The following NDST3 variants were observed in gnomAD, a reference collection of about 807,000 sequenced individuals.
NDST3 encodes the protein N-deacetylase and N-sulfotransferase 3, also known as bifunctional heparan sulfate N-deacetylase/N-sulfotransferase 3.
In NDST3, 58 loss-of-function variants were observed where a neutral mutation model predicts 96.1. The observed-to-expected ratio is 0.60, with a 90% CI of 0.49 to 0.75. NDST3 has a LOEUF of 0.75. Ranked by LOEUF, NDST3 falls within the 30% of genes least tolerant of loss-of-function variation. The pLI, the probability that NDST3 is intolerant of heterozygous loss-of-function variation, is 0.00. For synonymous variants in NDST3, 333 were observed against 359.7 expected, an observed-to-expected ratio of 0.93 and a Z score of 0.84; for missense variants, 788 against 1,034.2, an observed-to-expected ratio of 0.76 and a Z score of 3.27.
intron 6 of NDST3, among the ~76,000 whole-genome samples, chr4:118,223,250 A>C (rs1739664565): frequency 6.6e-6 from 1 of 151,960 alleles, no homozygotes; most frequent in African/African-American, 2.4e-5. Flanking sequence ...GTTCTGATAA[A>C]TTTTACAGGA....
At chr4:118,193,767 TG>T in intron 6 of NDST3, 1 of 1,486,182 alleles carries the variant, frequency 6.7e-7, no homozygotes, top group Non-Finnish European at 9.3e-7. Context: ...CAGCTTTCAG[TG>T]GCAGCAGAGA....
At chr4:118,228,407 G>A (rs1053960491) in intron 8 of NDST3, among the ~76,000 whole-genome samples, 15 of 152,114 alleles carry the variant, frequency 9.9e-5, no homozygotes. Flanking sequence ...GCTTCCTCTC[G>A]TGTTGTGCTG....
chr4:118,147,839 A>C (rs551058940), intron 6 of NDST3, among the ~76,000 whole-genome samples: 51 of 152,312 alleles, frequency 3.3e-4, no homozygotes, highest in African/African-American at 1.2e-3. Context: ...CTCTAATCAC[A>C]AGATGTTATG....
chr4:118,049,480 A>G (rs7683628), intron 1 of NDST3, among the ~76,000 whole-genome samples: 23,348 of 151,948 alleles, frequency 0.15, 2,303 homozygotes, highest in South Asian at 0.23. Context: ...ACCACTAGCT[A>G]GAATAACAAA....
chr4:118,193,491 A>AGGAAGCCTCTGCCTTGGCCTTG, intron 6 of NDST3: 1 of 849,400 alleles, frequency 1.2e-6, no homozygotes, highest in East Asian at 2.6e-5. Context: ...TTGTCTCCTG[A>AGGAAGCCTCTGCCTTGGCCTTG]GGAAGCCTCT....
intron 6 of NDST3, among the ~76,000 whole-genome samples, chr4:118,191,781 GTACTATCAAATACTAGTT>G (rs1266916206): frequency 6.6e-6 from 1 of 152,162 alleles, no homozygotes; most frequent in African/African-American, 2.4e-5. Context: ...TCACCTTGCT[GTACTATCAAATACTAGTT>G]TGATAGTAGG....
At chr4:118,088,558 G>C (rs1728616843) in intron 2 of NDST3, among the ~76,000 whole-genome samples, 2 of 152,104 alleles carry the variant, frequency 1.3e-5, no homozygotes, top group South Asian at 2.1e-4. Flanking sequence ...TCCTAGTCTA[G>C]TCAGCACCTT....
At chr4:118,251,135 T>TA (rs1365140042) in intron 12 of NDST3, among the ~76,000 whole-genome samples, 1 of 143,176 alleles carries the variant, frequency 7.0e-6, no homozygotes, top group South Asian at 2.2e-4. Flanking sequence ...ATTTTATTTT[T>TA]TTTTTTTTTG....
chr4:118,161,182 G>C (rs1735094969), intron 6 of NDST3, among the ~76,000 whole-genome samples: 1 of 152,222 alleles, frequency 6.6e-6, no homozygotes, highest in Non-Finnish European at 1.5e-5. Flanking sequence ...CTGCAGAACA[G>C]CAGATTTTCG....
chr4:118,056,712 G>A (rs1725460683), intron 2 of NDST3, among the ~76,000 whole-genome samples: 1 of 151,936 alleles, frequency 6.6e-6, no homozygotes, highest in Non-Finnish European at 1.5e-5. Flanking sequence ...GCAGGGGAGA[G>A]TAGAGTCATA....
intron 6 of NDST3, among the ~76,000 whole-genome samples, chr4:118,160,854 C>T (rs985541466): frequency 1.3e-5 from 2 of 152,000 alleles, no homozygotes; most frequent in African/African-American, 4.8e-5. Context: ...TCGTCTGAAG[C>T]CTTCTTCTCT....
intron 8 of NDST3, among the ~76,000 whole-genome samples, chr4:118,228,972 TA>T (rs1394385078): frequency 6.6e-6 from 1 of 152,252 alleles, no homozygotes; most frequent in Non-Finnish European, 1.5e-5. Flanking sequence ...ACATGAGAAT[TA>T]AATAGCTTCA....
intron 6 of NDST3, among the ~76,000 whole-genome samples, chr4:118,189,167 A>C (rs962136350): frequency 1.3e-5 from 2 of 152,060 alleles, no homozygotes; most frequent in Non-Finnish European, 2.9e-5. Context: ...CTCCCACCCC[A>C]GCTTCCCAAG....
intron 2 of NDST3, 103 bp from the exon 3 acceptor site, chr4:118,104,915 A>G (rs1470690553): frequency 3.7e-6 from 3 of 814,742 alleles, no homozygotes; most frequent in Middle Eastern, 3.2e-4. Context: ...TCTCACATGT[A>G]TAAGGAACTG....
At chr4:118,250,457 T>C (rs1219369220) in intron 12 of NDST3, among the ~76,000 whole-genome samples, 2 of 152,192 alleles carry the variant, frequency 1.3e-5, no homozygotes, top group African/African-American at 4.8e-5. Context: ...ACCATTCATA[T>C]GTGTTCTTTG....
intron 1 of NDST3, among the ~76,000 whole-genome samples, chr4:118,048,026 A>G (rs1324143261): frequency 1.3e-5 from 2 of 152,188 alleles, no homozygotes; most frequent in Non-Finnish European, 2.9e-5. Flanking sequence ...AGCTAGCAGC[A>G]CACCTTTCAG....
intron 6 of NDST3, among the ~76,000 whole-genome samples, chr4:118,196,958 T>C (rs1560711510): frequency 6.6e-6 from 1 of 151,392 alleles, no homozygotes; most frequent in Non-Finnish European, 1.5e-5. Context: ...TTTTTTTTTT[T>C]AATGTAGGCA....
intron 3 of NDST3, among the ~76,000 whole-genome samples, chr4:118,106,516 T>C (rs1326231376): frequency 6.6e-6 from 1 of 152,100 alleles, no homozygotes; most frequent in Non-Finnish European, 1.5e-5. Context: ...TGGCAAATTT[T>C]TCTTGTAGAG....
chr4:118,112,359 T>C (rs1222546604), intron 3 of NDST3, among the ~76,000 whole-genome samples: 1 of 152,166 alleles, frequency 6.6e-6, no homozygotes, highest in Non-Finnish European at 1.5e-5. Context: ...ATAAGAATTA[T>C]AGGCAACAGG....
Sources: allele counts gnomAD v4.1 joint callset (sites outside exome capture counted in the v4.1 genomes callset), GRCh38; gene constraint gnomAD v4.1.1; transcripts MANE v1.5; gene names NCBI Gene and HGNC (gene_info 2026-07-23, HGNC 2026-07-21).